Variants in SVIL observed in about 807,000 individuals in gnomAD.
The protein encoded by SVIL is supervillin, also known as archvillin.
Under a neutral mutation model 240.4 loss-of-function variants are expected in SVIL, and 101 were observed. That is an observed-to-expected ratio of 0.42 (90% CI 0.36 to 0.50). SVIL has a LOEUF of 0.50. SVIL is among the 20% of genes least tolerant of loss of function. The pLI, the probability that SVIL is intolerant of heterozygous loss-of-function variation, is 0.01. For missense variants in SVIL, 2,512 were observed against 2,818.7 expected (o/e 0.89, Z 2.46); for synonymous variants, 999 against 1,100.0 (o/e 0.91, Z 1.82).
chr10:29,733,563 C>T (rs1964739654), intron 1 of SVIL, among the ~76,000 whole-genome samples: 1 of 152,202 alleles, frequency 6.6e-6, no homozygotes, highest in African/African-American at 2.4e-5. Flanking sequence ...CCTCGGCCTC[C>T]CAAAGCCTTG....
chr10:29,665,912 A>T (rs1425791398), intron 2 of SVIL, among the ~76,000 whole-genome samples: 1 of 152,104 alleles, frequency 6.6e-6, no homozygotes, highest in Non-Finnish European at 1.5e-5. Flanking sequence ...CTGCCTATCA[A>T]CCCCCATAAC....
intron 13 of SVIL, among the ~76,000 whole-genome samples, chr10:29,526,303 T>C (rs1950904912): frequency 7.7e-6 from 1 of 130,400 alleles, no homozygotes; most frequent in Non-Finnish European, 1.7e-5. Flanking sequence ...TTTTTTCTCT[T>C]TCTTTTTTTT....
intron 2 of SVIL, among the ~76,000 whole-genome samples, chr10:29,664,286 T>G (rs1959191769): frequency 6.6e-6 from 1 of 152,240 alleles, no homozygotes; most frequent in African/African-American, 2.4e-5. Flanking sequence ...ATGTATGTTT[T>G]TTTTGATGGC....
chr10:29,467,882 G>C lies in SVIL; in HGVS notation c.5844-7C>G. On this transcript the variant is annotated splice_polypyrimidine_tract_variant and splice_region_variant and intron_variant, in intron 32 of 37. Transcript: ENST00000355867. ...TCCTGCTTCCAGGGGACATCTGCAA[G>C]GGAGAAACTCCAAGAGTTCTTTATA... 6.2e-7 allele frequency: 1 copy of C among 1,614,050 alleles called. No individual in the cohort carries two copies. Among genetic ancestry groups the C allele is most frequent in the South Asian group, 1.1e-5 (1 of 91,040 alleles).
chr10:29,506,680 T>TTAC (rs1949327652), intron 17 of SVIL, among the ~76,000 whole-genome samples: 4 of 50,904 alleles, frequency 7.9e-5, no homozygotes, highest in African/African-American at 2.5e-4. Flanking sequence ...AGAGGCCCTA[T>TTAC]GAGGGAGGGG....
intron 3 of SVIL, among the ~76,000 whole-genome samples, chr10:29,557,919 T>C (rs1954087023): frequency 6.6e-6 from 1 of 152,194 alleles, no homozygotes; most frequent in South Asian, 2.1e-4. Context: ...GGCTTCTGAA[T>C]GGGAAGTGGC....
In SVIL at chr10:29,700,468, C is replaced by CTTTTTTTTTTTTTT; in HGVS notation, c.-399-13831_-399-13818dup. On this transcript the variant is annotated intron_variant, in intron 1 of 35. Transcript: ENST00000375400. ...ACAGAGAAGAAATTCTTACTATTTCCTTTTTTTTTTTTTTTTTTTGGAGAT... is the reference window on the plus strand; with the variant it reads ...ACAGAGAAGAAATTCTTACTATTTCCTTTTTTTTTTTTTTTTTTTTTTTTTTTTTTTTTGGAGAT... Among the ~76,000 whole-genome samples, 2 of 113,128 alleles carry CTTTTTTTTTTTTTT rather than the reference C, an allele frequency of 1.8e-5. 1 individual carries two copies. Among genetic ancestry groups the CTTTTTTTTTTTTTT allele is most frequent in the African/African-American group, 6.8e-5 (2 of 29,452 alleles). The allele number at this position is 113,128 out of a possible 152,430, so 74.2% of individuals were successfully genotyped here.
At chr10:29,672,704 C>T (rs1589488367) in intron 2 of SVIL, among the ~76,000 whole-genome samples, 2 of 152,122 alleles carry the variant, frequency 1.3e-5, no homozygotes, top group African/African-American at 4.8e-5. Context: ...CTCTCTGCTG[C>T]ACTCTTCCTG....
At chr10:29,473,814 G>T (rs749834464) in intron 30 of SVIL, 24 bp downstream of exon 30, 2 of 1,613,530 alleles carry the variant, frequency 1.2e-6, no homozygotes, top group Non-Finnish European at 8.5e-7. Flanking sequence ...CAGTCCCCGG[G>T]GTGCAGAGCT....
chr10:29,468,796 G>C (rs771069068), intron 32 of SVIL: 3 of 152,146 alleles, frequency 2.0e-5, no homozygotes, highest in African/African-American at 7.2e-5. Flanking sequence ...GTGTGGTGGA[G>C]GAGGGGAAGT....
intron 17 of SVIL, among the ~76,000 whole-genome samples, chr10:29,500,910 A>G (rs1948839437): frequency 6.6e-6 from 1 of 152,132 alleles, no homozygotes; most frequent in South Asian, 2.1e-4. Context: ...AGATGGGGAC[A>G]GTTCATTTTC....
intron 17 of SVIL, chr10:29,507,770 G>C (rs1949489508): frequency 2.0e-6 from 2 of 985,254 alleles, no homozygotes; most frequent in South Asian, 9.4e-5. Context: ...GGTATTTATG[G>C]GCAGCAGGAA....
chr10:29,668,239 T>C (rs1240034362), intron 2 of SVIL, among the ~76,000 whole-genome samples: 1 of 151,678 alleles, frequency 6.6e-6, no homozygotes, highest in Non-Finnish European at 1.5e-5. Flanking sequence ...AGACCCTGTC[T>C]CAAAAAAAGA....
upstream of SVIL, among the ~76,000 whole-genome samples, chr10:29,736,085 C>G (rs1334534428): frequency 6.6e-6 from 1 of 152,042 alleles, no homozygotes; most frequent in Non-Finnish European, 1.5e-5. Context: ...CGCGGGCACC[C>G]CTTCCCAAAA....
At chr10:29,724,719 T>G (rs367945330) in intron 1 of SVIL, among the ~76,000 whole-genome samples, 3 of 152,144 alleles carry the variant, frequency 2.0e-5, no homozygotes, top group African/African-American at 7.2e-5. Flanking sequence ...GCCTTATTTT[T>G]GGACTTAAAA....
At chr10:29,480,455 AG>A in intron 29 of SVIL, 81 bp downstream of exon 29, 2 of 1,548,774 alleles carry the variant, frequency 1.3e-6, no homozygotes, top group Non-Finnish European at 1.8e-6. Flanking sequence ...AGGGCATGAC[AG>A]GGTTCATTGG....
intron 2 of SVIL, among the ~76,000 whole-genome samples, chr10:29,664,341 A>T (rs775850487): frequency 6.6e-5 from 10 of 152,210 alleles, no homozygotes; most frequent in Non-Finnish European, 1.3e-4. Flanking sequence ...ATAAATAAGT[A>T]GCAAACATTG....
intron 3 of SVIL, among the ~76,000 whole-genome samples, chr10:29,648,616 G>T (rs1482609451): frequency 6.6e-6 from 1 of 152,138 alleles, no homozygotes; most frequent in African/African-American, 2.4e-5. Flanking sequence ...TCTCCTCTTG[G>T]CAATCACTTT....
At chr10:29,531,219 A>G in intron 10 of SVIL, 35 bp downstream of exon 10, 1 of 1,609,422 alleles carries the variant, frequency 6.2e-7, no homozygotes, top group Non-Finnish European at 8.5e-7. Flanking sequence ...TAGATGAGAT[A>G]ATAAAGAAGA....
Sources: gnomAD v4.1 joint callset for allele counts (sites outside exome capture counted in the v4.1 genomes callset) on GRCh38, gnomAD v4.1.1 for gene constraint, MANE v1.5 for transcripts, NCBI Gene and HGNC (gene_info 2026-07-23, HGNC 2026-07-21) for gene names.